Variants in FBXL13 observed in about 807,000 individuals in gnomAD.
The protein encoded by FBXL13 is F-box and leucine rich repeat protein 13.
In FBXL13, 67 loss-of-function variants were observed where a neutral mutation model predicts 83.6. That is an observed-to-expected ratio of 0.80 (90% CI 0.66 to 0.98). The LOEUF (loss-of-function observed/expected upper bound fraction) is 0.98. FBXL13 is among the 50% of genes least tolerant of loss of function. The pLI is 0.00. For missense variants in FBXL13, 822 were observed against 866.5 expected (o/e 0.95, Z 0.64); for synonymous variants, 272 against 299.5 (o/e 0.91, Z 0.95).
intron 17 of FBXL13, among the ~76,000 whole-genome samples, chr7:102,853,610 C>T (rs1182646427): frequency 6.6e-6 from 1 of 152,122 alleles, no homozygotes; most frequent in East Asian, 1.9e-4. Context: ...AAAATTTTTG[C>T]AACCTACTCA....
At chr7:102,842,546 A>G (rs1803133966) in intron 17 of FBXL13, among the ~76,000 whole-genome samples, 1 of 152,268 alleles carries the variant, frequency 6.6e-6, no homozygotes, top group Admixed American at 6.5e-5. Flanking sequence ...TAGAAAGTTT[A>G]GTGATTCAAA....
intron 6 of FBXL13, among the ~76,000 whole-genome samples, chr7:102,976,571 T>C (rs1343568387): frequency 6.6e-6 from 1 of 152,084 alleles, no homozygotes; most frequent in East Asian, 1.9e-4. Flanking sequence ...CATGCAACCT[T>C]TCCTTATCCC....
intron 6 of FBXL13, 70 bp from the exon 8 acceptor site, chr7:102,968,187 G>A: frequency 2.0e-6 from 2 of 1,007,802 alleles, no homozygotes; most frequent in Non-Finnish European, 3.1e-6. Flanking sequence ...CTTACCTTTT[G>A]TCTGTGTGTG....
At chr7:102,849,930 A>C (rs1290119446) in intron 17 of FBXL13, among the ~76,000 whole-genome samples, 1 of 152,194 alleles carries the variant, frequency 6.6e-6, no homozygotes, top group Non-Finnish European at 1.5e-5. Flanking sequence ...CAATAGGTGC[A>C]GCAAACCACC....
intron 8 of FBXL13, chr7:102,944,122 CT>C (rs1821999066): frequency 9.6e-7 from 1 of 1,042,816 alleles, no homozygotes; most frequent in Non-Finnish European, 1.3e-6. Flanking sequence ...AATTAAGCCT[CT>C]TTTTAAAATT....
At chr7:102,875,341 G>A (rs1478858464) in intron 16 of FBXL13, among the ~76,000 whole-genome samples, 1 of 152,088 alleles carries the variant, frequency 6.6e-6, no homozygotes, top group Non-Finnish European at 1.5e-5. Context: ...GAGAGAAGAG[G>A]TGGAGGGGAA....
At chr7:102,982,141 G>A (rs1828326921) in intron 6 of FBXL13, among the ~76,000 whole-genome samples, 1 of 152,050 alleles carries the variant, frequency 6.6e-6, no homozygotes, top group South Asian at 2.1e-4. Context: ...TCCCTTCTTC[G>A]CTTGTTGATT....
chr7:102,887,037 G>A (rs1810892480), intron 11 of FBXL13, among the ~76,000 whole-genome samples: 3 of 152,178 alleles, frequency 2.0e-5, no homozygotes, highest in African/African-American at 7.2e-5. Flanking sequence ...TGTTTCTAAA[G>A]CCTGAACAAA....
intron 10 of FBXL13, among the ~76,000 whole-genome samples, chr7:102,913,669 G>A (rs1815222875): frequency 6.6e-6 from 1 of 152,322 alleles, no homozygotes; most frequent in East Asian, 1.9e-4. Context: ...TGTTACAGGA[G>A]AGTGAGGATT....
intron 16 of FBXL13, among the ~76,000 whole-genome samples, chr7:102,863,715 G>T (rs1281676261): frequency 6.6e-6 from 1 of 152,062 alleles, no homozygotes; most frequent in Non-Finnish European, 1.5e-5. Context: ...AGTTTAGAGA[G>T]ATGTGCTAGT....
chr7:102,979,889 C>T (rs962569838), intron 6 of FBXL13, among the ~76,000 whole-genome samples: 4 of 152,088 alleles, frequency 2.6e-5, no homozygotes, highest in South Asian at 4.1e-4. Context: ...GATTGGAAGA[C>T]ATAACAATGA....
At chr7:102,935,037 CT>C (rs368588095) in intron 8 of FBXL13, among the ~76,000 whole-genome samples, 1 of 152,074 alleles carries the variant, frequency 6.6e-6, no homozygotes, top group African/African-American at 2.4e-5. Flanking sequence ...CAAATGCCAT[CT>C]ATATAACCTG....
At chr7:102,962,502 G>C (rs936752848) in intron 8 of FBXL13, among the ~76,000 whole-genome samples, 2 of 152,082 alleles carry the variant, frequency 1.3e-5, no homozygotes, top group Non-Finnish European at 2.9e-5. Flanking sequence ...CAAAGGACTA[G>C]AAATCATGCT....
rs563086354 is a variant in FBXL13, at chr7:102,955,599, GT to G, written c.724+7933del. Among the ~76,000 whole-genome samples, 43 of 148,466 alleles carry G rather than the reference GT, an allele frequency of 2.9e-4. 1 individual carries two copies. The highest frequency in any genetic ancestry group is 7.9e-4 in the African/African-American group (32 of 40,634). ...TCAAAAAAAAACAATGAATCCAGGAGTTTTTTTTTTAAAAAGATCAACAGAA... is the reference window on the plus strand; with the variant it reads ...TCAAAAAAAAACAATGAATCCAGGAGTTTTTTTTTAAAAAGATCAACAGAA... On this transcript the variant is annotated intron_variant, in intron 8 of 19. Transcript: ENST00000313221.
rs572973745 is a variant in FBXL13, at chr7:102,822,177, T to A, written c.1881A>T (p.Leu627Phe). 13 of 1,614,136 alleles carry A rather than the reference T, an allele frequency of 8.1e-6. No individual in the cohort carries two copies. The South Asian group carries it at 1.4e-4, about 18-fold the overall frequency. ...TGTGCAGGTAATGGCATTTTGCCGA[T>A]AACATCTCCATTGCTGAGTCAGTAA... is the stretch of plus-strand genomic sequence containing the variant. The change falls in exon 19 of 20, where the codon TTA becomes TTT. Residue 627 changes from leucine (L) to phenylalanine (F), a missense_variant. Coordinates refer to ENST00000313221, the Ensembl canonical transcript of FBXL13.
intron 6 of FBXL13, among the ~76,000 whole-genome samples, chr7:103,018,675 C>A (rs1456854592): frequency 6.6e-6 from 1 of 152,110 alleles, no homozygotes; most frequent in Non-Finnish European, 1.5e-5. Context: ...GGGTTGCAAT[C>A]CTAGTCTCTG....
At chr7:102,893,258 A>G (rs1811761009) in intron 11 of FBXL13, among the ~76,000 whole-genome samples, 1 of 152,192 alleles carries the variant, frequency 6.6e-6, no homozygotes, top group Admixed American at 6.5e-5. Context: ...AAGATTCACT[A>G]TTCTTTTTTC....
rs887915023 is a variant in FBXL13 at position 103,070,291 on chromosome 7, G to A, written c.-105+3955C>T. On this transcript the variant is annotated intron_variant, in intron 1 of 19. Coordinates refer to ENST00000313221, the Ensembl canonical transcript of FBXL13. ...CCATCACCCAGGCTGGAGTGTAATG[G>A]TGTGATCTCAGCTCACTGCAACCTC... is the stretch of plus-strand genomic sequence containing the variant. 5.9e-5 allele frequency among the ~76,000 whole-genome samples: 9 copies of A among 151,996 alleles called. 1 individual carries two copies. In the South Asian group the frequency reaches 1.5e-3, roughly 25 times the overall value.
chr7:102,889,781 C>T (rs916522262), intron 11 of FBXL13, among the ~76,000 whole-genome samples: 8 of 152,300 alleles, frequency 5.3e-5, no homozygotes, highest in Admixed American at 6.5e-5. Flanking sequence ...AAATTCCCCC[C>T]ATTCCAGACC....
Sources: allele counts gnomAD v4.1 joint callset (sites outside exome capture counted in the v4.1 genomes callset), GRCh38; gene constraint gnomAD v4.1.1; transcripts MANE v1.5; gene names NCBI Gene and HGNC (gene_info 2026-07-23, HGNC 2026-07-21).